RGS7: variants seen among roughly 807,000 people sequenced by gnomAD.
RGS7 encodes regulator of G-protein signaling 7.
Under a neutral mutation model 81.1 loss-of-function variants are expected in RGS7, and 27 were observed. The ratio of observed to expected loss-of-function variants is 0.33; its 90% CI spans 0.25 to 0.46. RGS7 has a LOEUF of 0.46. Ranked by LOEUF, RGS7 falls within the 20% of genes least tolerant of loss-of-function variation. The pLI, the probability that RGS7 is intolerant of heterozygous loss-of-function variation, is 1.00. For synonymous variants in RGS7, 208 were observed against 207.7 expected, an observed-to-expected ratio of 1.00 and a Z score of -0.01; for missense variants, 396 against 607.4, an observed-to-expected ratio of 0.65 and a Z score of 3.66.
intron 2 of RGS7, among the ~76,000 whole-genome samples, chr1:241,283,661 CT>C (rs2078643010): frequency 6.6e-6 from 1 of 152,088 alleles, no homozygotes; most frequent in Non-Finnish European, 1.5e-5. Flanking sequence ...AGGTTTAAGT[CT>C]TTTGCCAAAT....
intron 2 of RGS7, among the ~76,000 whole-genome samples, chr1:241,169,588 C>T (rs1020663621): frequency 7.9e-5 from 12 of 152,014 alleles, no homozygotes; most frequent in Non-Finnish European, 8.8e-5. Flanking sequence ...TGTGATCCAC[C>T]TGCCTCGGCC....
chr1:240,963,339 G>T (rs1383625835), intron 4 of RGS7, among the ~76,000 whole-genome samples: 1 of 152,138 alleles, frequency 6.6e-6, no homozygotes, highest in Non-Finnish European at 1.5e-5. Context: ...ATTTGTAGTG[G>T]TTATCATACC....
chr1:241,186,930 C>T (rs994247589), intron 2 of RGS7, among the ~76,000 whole-genome samples: 1 of 152,088 alleles, frequency 6.6e-6, no homozygotes, highest in Non-Finnish European at 1.5e-5. Context: ...AGGTCTTTTG[C>T]GTCAACTGTT....
intron 2 of RGS7, among the ~76,000 whole-genome samples, chr1:241,110,551 T>C (rs1228023129): frequency 1.3e-5 from 2 of 152,224 alleles, no homozygotes; most frequent in Non-Finnish European, 2.9e-5. Context: ...GCCTGGGATT[T>C]AGCTAATCTC....
intron 2 of RGS7, among the ~76,000 whole-genome samples, chr1:241,117,398 T>C (rs1204373076): frequency 6.6e-6 from 1 of 152,198 alleles, no homozygotes; most frequent in Non-Finnish European, 1.5e-5. Flanking sequence ...GAAATAAACG[T>C]TTAGTGATTC....
chr1:240,958,561 T>G (rs1416814380), intron 4 of RGS7, among the ~76,000 whole-genome samples: 1 of 152,194 alleles, frequency 6.6e-6, no homozygotes, highest in African/African-American at 2.4e-5. Flanking sequence ...TCCTTAGTGA[T>G]GCTCTGCAGG....
At chr1:241,010,205 G>A (rs1164287270) in intron 3 of RGS7, among the ~76,000 whole-genome samples, 2 of 152,112 alleles carry the variant, frequency 1.3e-5, no homozygotes, top group African/African-American at 2.4e-5. Flanking sequence ...AAAGAAACAT[G>A]GTATGACTTT....
At chr1:240,986,994 G>C (rs1685768246) in intron 3 of RGS7, among the ~76,000 whole-genome samples, 1 of 152,186 alleles carries the variant, frequency 6.6e-6, no homozygotes, top group Non-Finnish European at 1.5e-5. Context: ...TGTGCCCCCT[G>C]CAGAGTGCAA....
At chr1:241,307,133 T>C (rs1468636802) in intron 2 of RGS7, among the ~76,000 whole-genome samples, 1 of 152,210 alleles carries the variant, frequency 6.6e-6, no homozygotes, top group Non-Finnish European at 1.5e-5. Context: ...CCATACAAAA[T>C]GCTCTTGTTC....
chr1:240,974,910 A>T (rs1184924882), intron 4 of RGS7, among the ~76,000 whole-genome samples: 1 of 152,048 alleles, frequency 6.6e-6, no homozygotes, highest in African/African-American at 2.4e-5. Flanking sequence ...AGGAAGGGAA[A>T]AAAAAAAAAC....
At chr1:240,894,368 A>G (rs562450961) in intron 6 of RGS7, among the ~76,000 whole-genome samples, 1 of 152,230 alleles carries the variant, frequency 6.6e-6, no homozygotes, top group Admixed American at 6.5e-5. Flanking sequence ...CTCAACTATG[A>G]TTTCAGTAAA....
Position 241,197,544 on chromosome 1 carries a change from G to A in RGS7, c.79-98782C>T, listed in dbSNP as rs530133981. Among the ~76,000 whole-genome samples, 42 of 5,382 alleles carry A rather than the reference G, an allele frequency of 7.8e-3. 18 individuals are homozygous for A. Among genetic ancestry groups the A allele is most frequent in the Non-Finnish European group, 0.011 (20 of 1,880 alleles). 3.5% of individuals were successfully genotyped at this position (5,382 alleles called of 152,430 possible). A position where few individuals can be genotyped will look rare whatever the true frequency, so the allele number is the denominator to read the frequency against. The stretch of plus-strand genomic sequence containing the variant: ...GCTGGGATTACAGGCGTGAGCCACC[G>A]CGCCCGGCCTAATCAAAGTATCTTA... On this transcript the variant is annotated intron_variant, in intron 2 of 18. Coordinates refer to ENST00000440928, the MANE Select transcript of RGS7 (RefSeq NM_001364886.1).
chr1:241,012,460 C>T (rs1041682266), intron 3 of RGS7, among the ~76,000 whole-genome samples: 2 of 152,076 alleles, frequency 1.3e-5, no homozygotes, highest in Non-Finnish European at 2.9e-5. Context: ...GGCAGGATAA[C>T]CAGGAAGTGT....
intron 18 of RGS7, among the ~76,000 whole-genome samples, chr1:240,778,804 T>G (rs1683432070): frequency 6.6e-6 from 1 of 152,190 alleles, no homozygotes; most frequent in Non-Finnish European, 1.5e-5. Context: ...AGTGCTGGGA[T>G]TACAGGCACA....
At chr1:240,882,676 T>C (rs185916453) in intron 6 of RGS7, among the ~76,000 whole-genome samples, 342 of 152,270 alleles carry the variant, frequency 2.2e-3, no homozygotes, top group Middle Eastern at 0.014. Context: ...ATGCTTCTGT[T>C]CTTTGAAGTG....
intron 6 of RGS7, among the ~76,000 whole-genome samples, chr1:240,887,126 T>G (rs924678111): frequency 3.9e-5 from 6 of 152,220 alleles, no homozygotes; most frequent in Admixed American, 3.3e-4. Flanking sequence ...CTAGATATAT[T>G]GTACTTTCAG....
chr1:241,161,508 CTAATAACTAA>C (rs1257420938), intron 2 of RGS7, among the ~76,000 whole-genome samples: 4 of 148,150 alleles, frequency 2.7e-5, no homozygotes, highest in South Asian at 2.1e-4. Flanking sequence ...ATTATTATAA[CTAATAACTAA>C]TAATAACTAA....
chr1:240,983,274 G>A (rs1290543397), intron 3 of RGS7, 145 bp from the exon 4 acceptor site: 3 of 506,992 alleles, frequency 5.9e-6, no homozygotes, highest in African/African-American at 1.9e-5. Flanking sequence ...TACCCCAGAT[G>A]GAATGCTGAA....
intron 4 of RGS7, among the ~76,000 whole-genome samples, chr1:240,942,752 C>T (rs1024623527): frequency 1.3e-5 from 2 of 152,118 alleles, no homozygotes; most frequent in African/African-American, 4.8e-5. Flanking sequence ...ATATGTTAGA[C>T]TTGTTACTTT....
Sources: allele counts gnomAD v4.1 joint callset (sites outside exome capture counted in the v4.1 genomes callset), GRCh38; gene constraint gnomAD v4.1.1; transcripts MANE v1.5; gene names NCBI Gene and HGNC (gene_info 2026-07-23, HGNC 2026-07-21).